ASB7: variants seen among roughly 807,000 people sequenced by gnomAD.
The protein encoded by ASB7 is ankyrin repeat and SOCS box containing 7, also known as ankyrin repeat and SOCS box protein 7.
A neutral mutation model predicts 32.5 loss-of-function variants in ASB7; 4 were observed. The observed-to-expected ratio is 0.12, with a 90% CI of 0.06 to 0.28. The LOEUF (loss-of-function observed/expected upper bound fraction) is 0.28, where lower values mean the gene tolerates loss of function less well. Ranked by LOEUF, ASB7 falls within the 10% of genes least tolerant of loss-of-function variation. The pLI, the probability that ASB7 is intolerant of heterozygous loss-of-function variation, is 1.00. For synonymous variants in ASB7, 172 were observed against 155.6 expected (o/e 1.11, Z -0.78); for missense variants, 181 against 407.1 (o/e 0.44, Z 4.78).
At chr15:100,607,874 A>G (rs890495311) in intron 2 of ASB7, among the ~76,000 whole-genome samples, 16 of 152,118 alleles carry the variant, frequency 1.1e-4, no homozygotes, top group Non-Finnish European at 5.9e-5. Flanking sequence ...TTCATCTTTT[A>G]CCACCAGGCC....
chr15:100,648,486 T>G lies in ASB7; in HGVS notation c.*24T>G. On this transcript the variant is annotated 3_prime_UTR_variant, in exon 6 of 6. Transcript: ENST00000332783. ...GATATGCCAGAACTGTGAGCAAGAT[T>G]AGGAGTTCTATTCTAGATACTTAAA... 3 of 1,577,764 alleles carry G rather than the reference T, an allele frequency of 1.9e-6. No homozygotes were observed. Among genetic ancestry groups the G allele is most frequent in the Non-Finnish European group, 2.6e-6 (3 of 1,154,044 alleles).
chr15:100,604,745 G>A (rs531620596), intron 2 of ASB7, among the ~76,000 whole-genome samples: 1 of 152,278 alleles, frequency 6.6e-6, no homozygotes, highest in East Asian at 1.9e-4. Context: ...TATATGTAGG[G>A]AATCAGGAGT....
At position 100,611,484 on chromosome 15, in the gene ASB7, C is replaced by T. The variant is rs865964367; in HGVS notation, c.-51-682C>T. On this transcript the variant is annotated intron_variant, in intron 3 of 5. Transcript: ENST00000332783. ...GGTTAATCACCAGATTGTTTCGATT[C>T]TTTTTTTTTTTTTGAGACAGAATTT... Among the ~76,000 whole-genome samples the T allele has an allele frequency of 5.0e-3, 385 of 77,076 alleles. 1 individual carries two copies. Among genetic ancestry groups the T allele is most frequent in the Middle Eastern group, 0.012 (1 of 82 alleles). The allele number at this position is 77,076 out of a possible 152,430, so 50.6% of individuals were successfully genotyped here. A position where few individuals can be genotyped will look rare whatever the true frequency, so the allele number is the denominator to read the frequency against.
chr15:100,640,443 C>A (rs2039953997), intron 5 of ASB7, among the ~76,000 whole-genome samples: 1 of 152,104 alleles, frequency 6.6e-6, no homozygotes, highest in South Asian at 2.1e-4. Flanking sequence ...CCATGCCCAG[C>A]CTATGGTAGG....
intron 5 of ASB7, among the ~76,000 whole-genome samples, chr15:100,641,231 T>G (rs544191371): frequency 6.6e-6 from 1 of 152,296 alleles, no homozygotes; most frequent in Non-Finnish European, 1.5e-5. Flanking sequence ...CCCTTTAATC[T>G]CTGGGATAGT....
intron 4 of ASB7, among the ~76,000 whole-genome samples, chr15:100,621,756 T>G (rs962132648): frequency 1.3e-5 from 2 of 150,908 alleles, no homozygotes; most frequent in African/African-American, 4.9e-5. Context: ...TTGAAATCAG[T>G]GGAATTGAAA....
At chr15:100,607,476 C>G (rs141445133) in intron 2 of ASB7, among the ~76,000 whole-genome samples, 1 of 152,126 alleles carries the variant, frequency 6.6e-6, no homozygotes, top group African/African-American at 2.4e-5. Flanking sequence ...TATTTTCTGT[C>G]GTAATTCAAA....
At chr15:100,645,274 G>A (rs1407998514) in intron 5 of ASB7, among the ~76,000 whole-genome samples, 4 of 152,092 alleles carry the variant, frequency 2.6e-5, no homozygotes, top group African/African-American at 9.7e-5. Context: ...AATAAGAAAA[G>A]ACAGTGATAT....
intron 4 of ASB7, among the ~76,000 whole-genome samples, chr15:100,613,293 C>A (rs1422997752): frequency 6.6e-6 from 1 of 152,186 alleles, no homozygotes; most frequent in Non-Finnish European, 1.5e-5. Context: ...AACTTCCTTG[C>A]ATTTTGAGGT....
intron 5 of ASB7, among the ~76,000 whole-genome samples, chr15:100,642,643 C>T (rs370461488): frequency 3.9e-5 from 6 of 152,224 alleles, no homozygotes; most frequent in Admixed American, 2.6e-4. Context: ...TGCTGCAGAA[C>T]TTTAGTGGCT....
intron 2 of ASB7, among the ~76,000 whole-genome samples, chr15:100,603,764 A>G (rs964307303): frequency 6.6e-6 from 1 of 152,172 alleles, no homozygotes; most frequent in Non-Finnish European, 1.5e-5. Context: ...GCATCAGAAA[A>G]ATCTTTTGAG....
intron 5 of ASB7, among the ~76,000 whole-genome samples, chr15:100,637,435 A>G (rs1045824235): frequency 1.3e-5 from 2 of 152,384 alleles, no homozygotes; most frequent in South Asian, 2.1e-4. Context: ...GACTTCTTCA[A>G]TCAGTGGAGA....
chr15:100,611,592 G>A (rs1163021953), intron 3 of ASB7, among the ~76,000 whole-genome samples: 2 of 147,244 alleles, frequency 1.4e-5, no homozygotes, highest in African/African-American at 2.5e-5. Flanking sequence ...CAATTCTTGT[G>A]CCTCAGCCAC....
chr15:100,628,960 T>C (rs539036873), intron 4 of ASB7, among the ~76,000 whole-genome samples: 7 of 152,320 alleles, frequency 4.6e-5, no homozygotes, highest in Non-Finnish European at 8.8e-5. Flanking sequence ...TAATATACCC[T>C]AAAACAACAC....
intron 5 of ASB7, among the ~76,000 whole-genome samples, chr15:100,636,962 G>T (rs2039927607): frequency 6.6e-6 from 1 of 152,202 alleles, no homozygotes; most frequent in Admixed American, 6.5e-5. Flanking sequence ...CGTGAATCGA[G>T]ACAGTGGCCC....
chr15:100,636,217 T>C (rs909160729), intron 5 of ASB7, among the ~76,000 whole-genome samples: 1 of 152,212 alleles, frequency 6.6e-6, no homozygotes, highest in African/African-American at 2.4e-5. Context: ...CCAAATTGTG[T>C]GGTGGAGGTT....
intron 4 of ASB7, 46 bp downstream of exon 4, chr15:100,612,473 A>G (rs2039705399): frequency 2.0e-6 from 3 of 1,497,976 alleles, no homozygotes; most frequent in Non-Finnish European, 2.8e-6. Flanking sequence ...AGAAACATAA[A>G]TGATGTTTAG....
chr15:100,633,669 GAGGA>G (rs539857224), intron 5 of ASB7, among the ~76,000 whole-genome samples: 66 of 150,898 alleles, frequency 4.4e-4, no homozygotes, highest in Middle Eastern at 3.4e-3. Flanking sequence ...AGGAAGGAAG[GAGGA>G]AGGAAGGAAG....
At chr15:100,628,796 T>C (rs1484875593) in intron 4 of ASB7, among the ~76,000 whole-genome samples, 1 of 152,242 alleles carries the variant, frequency 6.6e-6, no homozygotes, top group Non-Finnish European at 1.5e-5. Context: ...ACATAATGCA[T>C]TGCTTAATTC....
Sources: gnomAD v4.1 joint callset for allele counts (sites outside exome capture counted in the v4.1 genomes callset) on GRCh38, gnomAD v4.1.1 for gene constraint, MANE v1.5 for transcripts, NCBI Gene and HGNC (gene_info 2026-07-23, HGNC 2026-07-21) for gene names.